ADGRV1: variants seen among roughly 807,000 people sequenced by gnomAD.
ADGRV1 encodes the protein adhesion G protein-coupled receptor V1.
In ADGRV1, 359 loss-of-function variants were observed where a neutral mutation model predicts 596.2. The observed-to-expected ratio is 0.60, with a 90% CI of 0.55 to 0.66. ADGRV1 has a LOEUF of 0.66. Among genes scored for constraint, ADGRV1 ranks in the 30% least tolerant of loss-of-function variants. The pLI is 0.00. For missense variants in ADGRV1, 7,274 were observed against 7,575.6 expected, an observed-to-expected ratio of 0.96 and a Z score of 1.48; for synonymous variants, 2,681 against 2,679.2, an observed-to-expected ratio of 1.00 and a Z score of -0.02.
At chr5:90,823,992 G>A (rs1236467384) in intron 76 of ADGRV1, among the ~76,000 whole-genome samples, 2 of 152,054 alleles carry the variant, frequency 1.3e-5, no homozygotes, top group African/African-American at 2.4e-5. Flanking sequence ...ATGAACACAT[G>A]CTTAATAAAA....
chr5:90,823,248 A>G (rs1763759619), intron 75 of ADGRV1, among the ~76,000 whole-genome samples, 177 bp from the exon 76 acceptor site: 1 of 152,204 alleles, frequency 6.6e-6, no homozygotes, highest in African/African-American at 2.4e-5. Context: ...TCTTATCTGT[A>G]GTGAGGAAAA....
At chr5:90,759,876 ACTCGCTTGAACCCAGGAGG>A (rs1245755843) in intron 58 of ADGRV1, 22 of 330,782 alleles carry the variant, frequency 6.7e-5, no homozygotes, top group Non-Finnish European at 8.1e-5. Context: ...GAGGCAGGAG[ACTCGCTTGAACCCAGGAGG>A]CAGAGGTTGC....
chr5:91,047,954 G>C (rs1464412463), intron 85 of ADGRV1, among the ~76,000 whole-genome samples: 1 of 152,190 alleles, frequency 6.6e-6, no homozygotes, highest in Non-Finnish European at 1.5e-5. Context: ...CCATGGGATT[G>C]TCAAAGTAGC....
At chr5:90,924,491 T>C (rs1366055068) in intron 83 of ADGRV1, among the ~76,000 whole-genome samples, 1 of 151,586 alleles carries the variant, frequency 6.6e-6, no homozygotes, top group African/African-American at 2.4e-5. Flanking sequence ...TTTTTTTTTC[T>C]TGTAAATTTG....
At chr5:91,137,394 C>T (rs1312598305) in intron 87 of ADGRV1, among the ~76,000 whole-genome samples, 1 of 152,128 alleles carries the variant, frequency 6.6e-6, no homozygotes, top group East Asian at 1.9e-4. Flanking sequence ...CATTCTAGGC[C>T]ACAGGACTTA....
chr5:90,848,056 T>TC (rs1030569633), intron 78 of ADGRV1, among the ~76,000 whole-genome samples: 37 of 152,098 alleles, frequency 2.4e-4, no homozygotes, highest in African/African-American at 8.4e-4. Context: ...CCTCCTTTTT[T>TC]CCCCTGTCTC....
intron 52 of ADGRV1, among the ~76,000 whole-genome samples, chr5:90,748,145 A>T (rs1325920867): frequency 2.6e-5 from 4 of 152,154 alleles, no homozygotes; most frequent in Non-Finnish European, 5.9e-5. Flanking sequence ...GGTTTAGGGG[A>T]TAAGATGAGG....
chr5:90,787,697 A>C (rs1759619744), intron 67 of ADGRV1, among the ~76,000 whole-genome samples: 1 of 150,446 alleles, frequency 6.6e-6, no homozygotes, highest in African/African-American at 2.4e-5. Flanking sequence ...GGTTCAAGCA[A>C]TTCTCCTGTT....
At chr5:90,608,248 G>A (rs1051516772) in intron 1 of ADGRV1, among the ~76,000 whole-genome samples, 4 of 152,050 alleles carry the variant, frequency 2.6e-5, no homozygotes, top group Admixed American at 1.3e-4. Flanking sequence ...TGGAGTGGGG[G>A]CAGAAATCAC....
chr5:90,596,820 C>CGAGGGAGAGGGCGAGGGA (rs1561354926), intron 1 of ADGRV1, among the ~76,000 whole-genome samples: 2 of 144,094 alleles, frequency 1.4e-5, no homozygotes, highest in East Asian at 1.9e-4. Context: ...AGGGCGAGGG[C>CGAGGGAGAGGGCGAGGGA]GAGGGAGAGG....
At chr5:90,933,381 T>G (rs1775419878) in intron 83 of ADGRV1, among the ~76,000 whole-genome samples, 1 of 151,998 alleles carries the variant, frequency 6.6e-6, no homozygotes, top group Non-Finnish European at 1.5e-5. Context: ...TGAGCAGAGA[T>G]CTGAGGGAAA....
At chr5:91,091,697 G>T (rs1035716524) in intron 86 of ADGRV1, 2 of 152,048 alleles carry the variant, frequency 1.3e-5, no homozygotes, top group African/African-American at 4.8e-5. Context: ...AGAGGTGAAT[G>T]GTGTAGATTT....
At position 90,743,821 on chromosome 5, in the gene ADGRV1, T is replaced by C. The variant is rs186396400; in HGVS notation, c.10550-1225T>C. On this transcript the variant is annotated intron_variant, in intron 50 of 89. Coordinates refer to ENST00000405460, the MANE Select transcript of ADGRV1 (RefSeq NM_032119.4). The stretch of plus-strand genomic sequence containing the variant: ...GTGTTTATCTAGGTACTGGAATTTG[T>C]ACATGTTTTTCTATGATTTCTCATT... 3.7e-4 allele frequency among the ~76,000 whole-genome samples: 56 copies of C among 152,278 alleles called. No individual in the cohort carries two copies. In the East Asian group the frequency reaches 6.6e-3, roughly 18 times the overall value.
Position 90,637,808 on chromosome 5 carries a change from A to G in ADGRV1, c.2100A>G (p.Lys700=). 1 of 1,613,694 alleles carries G rather than the reference A, an allele frequency of 6.2e-7. No individual in the cohort carries two copies. The highest frequency in any genetic ancestry group is 8.5e-7 in the Non-Finnish European group (1 of 1,179,768). The change falls in exon 11 of 90, where the codon AAA becomes AAG. Residue 700 remains lysine, a synonymous_variant. Transcript: ENST00000405460. ...WSLKPSGFNS[K]AVTPDDIGPF... is the part of the protein sequence containing the mutation. ...TGAAGCCCTCTGGCTTTAATTCAAAAGCAGTGACCCCGGATGATATAGGCC... is the reference window on the plus strand; with the variant it reads ...TGAAGCCCTCTGGCTTTAATTCAAAGGCAGTGACCCCGGATGATATAGGCC...
chr5:90,586,374 A>C (rs1337110775), intron 1 of ADGRV1, among the ~76,000 whole-genome samples: 1 of 152,164 alleles, frequency 6.6e-6, no homozygotes, highest in African/African-American at 2.4e-5. Flanking sequence ...ATTGTCTTGA[A>C]AATGTCTTTT....
chr5:90,903,483 A>G (rs148902845), intron 83 of ADGRV1, among the ~76,000 whole-genome samples: 466 of 152,082 alleles, frequency 3.1e-3, no homozygotes, highest in African/African-American at 0.011. Context: ...TAACTTTATT[A>G]TTTTTGGATT....
intron 85 of ADGRV1, among the ~76,000 whole-genome samples, chr5:90,999,522 G>A (rs1420868934): frequency 3.3e-5 from 5 of 151,820 alleles, no homozygotes; most frequent in South Asian, 2.1e-4. Flanking sequence ...AATATCAAGC[G>A]GAATAGAGCA....
At chr5:90,934,589 T>C (rs1341432184) in intron 83 of ADGRV1, among the ~76,000 whole-genome samples, 1 of 152,178 alleles carries the variant, frequency 6.6e-6, no homozygotes, top group Non-Finnish European at 1.5e-5. Flanking sequence ...ATGGGTATCA[T>C]GTCACCTTTT....
intron 25 of ADGRV1, among the ~76,000 whole-genome samples, chr5:90,678,244 G>T (rs947428764): frequency 6.6e-6 from 1 of 152,034 alleles, no homozygotes; most frequent in Non-Finnish European, 1.5e-5. Context: ...GTCAATCAAG[G>T]ATATTGGTAG....
Sources: gnomAD v4.1 joint callset for allele counts (sites outside exome capture counted in the v4.1 genomes callset) on GRCh38, gnomAD v4.1.1 for gene constraint, MANE v1.5 for transcripts, NCBI Gene and HGNC (gene_info 2026-07-23, HGNC 2026-07-21) for gene names.